COMMD10: variants seen among roughly 807,000 people sequenced by gnomAD.
COMMD10 encodes the protein COMM domain containing 10.
COMMD10 carries 33 observed loss-of-function variants against 28.9 expected under a neutral mutation model. That is an observed-to-expected ratio of 1.14 (90% CI 0.87 to 1.53). The LOEUF is 1.53. Among genes scored for constraint, COMMD10 ranks in the 40% most tolerant of loss-of-function variants. The pLI is 0.00. For synonymous variants in COMMD10, 110 were observed against 81.7 expected, an observed-to-expected ratio of 1.35 and a Z score of -1.87; for missense variants, 310 against 233.4, an observed-to-expected ratio of 1.33 and a Z score of -2.14.
chr5:116,191,058 T>C (rs1580536268), intron 5 of COMMD10, among the ~76,000 whole-genome samples: 1 of 152,170 alleles, frequency 6.6e-6, no homozygotes, highest in South Asian at 2.1e-4. Flanking sequence ...CTGTCAAACA[T>C]GAATGAAAAT....
rs1011611781 is a variant in COMMD10, at chr5:116,292,803, A to G, written c.*314A>G. The stretch of plus-strand genomic sequence containing the variant: ...TTCTTGCCTGTCCTGCTTAGTTTTT[A>G]CTTGCTGGATGATACCATAATGTAT... On this transcript the variant is annotated 3_prime_UTR_variant, in exon 7 of 7. Coordinates refer to ENST00000274458, the MANE Select transcript of COMMD10 (RefSeq NM_016144.4). The G allele has an allele frequency of 1.3e-5, 5 of 398,516 alleles. No homozygotes were observed. Among genetic ancestry groups the G allele is most frequent in the African/African-American group, 8.2e-5 (4 of 48,570 alleles). The allele number at this position is 398,516 out of a possible 1,614,324, so 24.7% of individuals were successfully genotyped here.
chr5:116,287,947 T>G (rs1751263088), intron 5 of COMMD10, among the ~76,000 whole-genome samples: 1 of 151,632 alleles, frequency 6.6e-6, no homozygotes, highest in African/African-American at 2.4e-5. Context: ...TGTTTTGGGG[T>G]TTTTTCATTT....
intron 5 of COMMD10, among the ~76,000 whole-genome samples, chr5:116,227,589 G>A (rs1418987164): frequency 6.6e-6 from 1 of 152,076 alleles, no homozygotes; most frequent in Admixed American, 6.6e-5. Flanking sequence ...ACCTGTGGGG[G>A]TTATGGAACA....
chr5:116,126,694 A>G (rs1751656984), intron 4 of COMMD10, among the ~76,000 whole-genome samples: 1 of 152,118 alleles, frequency 6.6e-6, no homozygotes, highest in African/African-American at 2.4e-5. Context: ...CTATTTAATA[A>G]ATGTTGCTGG....
At chr5:116,233,084 A>G (rs1561678773) in intron 5 of COMMD10, among the ~76,000 whole-genome samples, 1 of 152,132 alleles carries the variant, frequency 6.6e-6, no homozygotes, top group African/African-American at 2.4e-5. Context: ...TGGGCCAGGC[A>G]CTATGCTAGG....
intron 5 of COMMD10, chr5:116,218,057 G>A: frequency 6.8e-6 from 8 of 1,174,904 alleles, no homozygotes; most frequent in Non-Finnish European, 1.0e-5. Context: ...AGCTTTCTGT[G>A]CCTGATCTGT....
intron 5 of COMMD10, among the ~76,000 whole-genome samples, chr5:116,138,478 A>T (rs1014252203): frequency 6.6e-6 from 1 of 151,808 alleles, no homozygotes; most frequent in East Asian, 1.9e-4. Context: ...TTAACTTTGA[A>T]TATCTTAAAA....
At chr5:116,220,983 C>T (rs1296130807) in intron 5 of COMMD10, among the ~76,000 whole-genome samples, 4 of 152,154 alleles carry the variant, frequency 2.6e-5, no homozygotes, top group Admixed American at 6.5e-5. Flanking sequence ...TGCCTATTGT[C>T]CTACAATCAC....
chr5:116,277,490 A>C (rs111611516), intron 5 of COMMD10, among the ~76,000 whole-genome samples: 54 of 151,950 alleles, frequency 3.6e-4, no homozygotes, highest in African/African-American at 1.3e-3. Flanking sequence ...TATCTTATCA[A>C]ATTAGTTATT....
intron 5 of COMMD10, among the ~76,000 whole-genome samples, chr5:116,138,226 A>G (rs1169270742): frequency 2.6e-5 from 4 of 151,854 alleles, no homozygotes; most frequent in Non-Finnish European, 4.4e-5. Context: ...GTATATGATC[A>G]TTTGCCAAAA....
At chr5:116,189,243 C>G (rs779041971) in intron 5 of COMMD10, among the ~76,000 whole-genome samples, 2 of 152,094 alleles carry the variant, frequency 1.3e-5, no homozygotes. Context: ...AAAAGTGATG[C>G]AAAGACATAG....
chr5:116,196,364 G>A (rs181861202), intron 5 of COMMD10, among the ~76,000 whole-genome samples: 1 of 152,238 alleles, frequency 6.6e-6, no homozygotes, highest in East Asian at 1.9e-4. Context: ...GGGAGGGGGT[G>A]AGGGATAAAA....
At chr5:116,143,068 G>GT (rs757604393) in intron 5 of COMMD10, among the ~76,000 whole-genome samples, 11,591 of 91,216 alleles carry the variant, frequency 0.13, 449 homozygotes, top group Non-Finnish European at 0.15. Context: ...GTGTGTTTTT[G>GT]GTTTTTTTTT....
At chr5:116,146,434 TTGGAATTGTTTTTC>T (rs1752352968) in intron 5 of COMMD10, among the ~76,000 whole-genome samples, 1 of 151,836 alleles carries the variant, frequency 6.6e-6, no homozygotes, top group Non-Finnish European at 1.5e-5. Flanking sequence ...GTGGTGATTT[TTGGAATTGTTTTTC>T]TGAATCTGGT....
intron 5 of COMMD10, among the ~76,000 whole-genome samples, chr5:116,203,428 C>T (rs1748725102): frequency 6.6e-6 from 1 of 151,946 alleles, no homozygotes; most frequent in Non-Finnish European, 1.5e-5. Flanking sequence ...AACTCCGAGA[C>T]ACATAATTGT....
In COMMD10 at chr5:116,098,445, C is replaced by T. The variant is rs148118072; in HGVS notation, c.399+5745C>T. On this transcript the variant is annotated intron_variant, in intron 4 of 6. Transcript: ENST00000274458. ...GGATTTCGTATTCATGGATTAAACTCGCAGCAGATCAAGAATATTTGGGAA... is the reference window on the plus strand; with the variant it reads ...GGATTTCGTATTCATGGATTAAACTTGCAGCAGATCAAGAATATTTGGGAA... Among the ~76,000 whole-genome samples, 41 of 152,214 alleles carry T rather than the reference C, an allele frequency of 2.7e-4. No homozygotes were observed. In the East Asian group the frequency reaches 6.8e-3, roughly 25 times the overall value.
chr5:116,175,367 T>C (rs978532257), intron 5 of COMMD10, among the ~76,000 whole-genome samples: 29 of 152,258 alleles, frequency 1.9e-4, no homozygotes, highest in Middle Eastern at 3.4e-3. Flanking sequence ...TGTCACATAA[T>C]GGGTGTTTAT....
intron 5 of COMMD10, among the ~76,000 whole-genome samples, chr5:116,225,479 G>T (rs1007934324): frequency 6.7e-6 from 1 of 150,334 alleles, no homozygotes; most frequent in Non-Finnish European, 1.5e-5. Context: ...TGTTCTAGTA[G>T]GCAATTAACT....
intron 5 of COMMD10, among the ~76,000 whole-genome samples, chr5:116,271,095 G>A (rs906498052): frequency 6.6e-6 from 1 of 151,114 alleles, no homozygotes; most frequent in Admixed American, 6.6e-5. Context: ...AGGCTTGGGA[G>A]AAAATCTTTC....
Sources: gnomAD v4.1 joint callset for allele counts (sites outside exome capture counted in the v4.1 genomes callset) on GRCh38, gnomAD v4.1.1 for gene constraint, MANE v1.5 for transcripts, NCBI Gene and HGNC (gene_info 2026-07-23, HGNC 2026-07-21) for gene names.